The following RTN4IP1 variants were observed in gnomAD, a reference collection of about 807,000 sequenced individuals.
RTN4IP1 encodes NAD(P)H oxidoreductase RTN4IP1, mitochondrial.
In RTN4IP1, 32 loss-of-function variants were observed where a neutral mutation model predicts 46.6. The ratio of observed to expected loss-of-function variants is 0.69; its 90% CI spans 0.52 to 0.92. The LOEUF (loss-of-function observed/expected upper bound fraction) is 0.92. Among genes scored for constraint, RTN4IP1 ranks in the 40% least tolerant of loss-of-function variants. The pLI is 0.00. For synonymous variants in RTN4IP1, 167 were observed against 161.8 expected (o/e 1.03, Z -0.24); for missense variants, 424 against 485.8 (o/e 0.87, Z 1.20).
At chr6:106,583,033 C>A (rs1775405583) in intron 8 of RTN4IP1, among the ~76,000 whole-genome samples, 1 of 152,088 alleles carries the variant, frequency 6.6e-6, no homozygotes, top group Admixed American at 6.6e-5. Flanking sequence ...ATGACCTAAC[C>A]AAGTGTCTTT....
Position 106,583,003 on chromosome 6 carries a change from A to G in RTN4IP1, c.1083+325T>C, listed in dbSNP as rs537775007. On this transcript the variant is annotated intron_variant, in intron 8 of 8. Coordinates refer to ENST00000369063, the MANE Select transcript of RTN4IP1 (RefSeq NM_032730.5). ...GACCTGATAAAATATTAGCAGCCCAATGTAGATCACAGCTGTGCTATGACC... is the reference window on the plus strand; with the variant it reads ...GACCTGATAAAATATTAGCAGCCCAGTGTAGATCACAGCTGTGCTATGACC... Among the ~76,000 whole-genome samples the G allele has an allele frequency of 2.6e-5, 4 of 152,256 alleles. No individual in the cohort carries two copies. The South Asian group carries it at 6.2e-4, about 24-fold the overall frequency.
chr6:106,587,920 C>A (rs1029611344), intron 6 of RTN4IP1, 58 bp from the exon 7 acceptor site: 22 of 1,439,646 alleles, frequency 1.5e-5, no homozygotes, highest in African/African-American at 2.8e-5. Context: ...GGACTCTGAT[C>A]CTCCTTCCCT....
chr6:106,609,716 C>G (rs367576719), intron 4 of RTN4IP1, among the ~76,000 whole-genome samples: 1 of 152,234 alleles, frequency 6.6e-6, no homozygotes. Context: ...ATGGCTACTT[C>G]AGGATCCAAC....
chr6:106,574,391 T>C (rs1341258192), intron 8 of RTN4IP1, among the ~76,000 whole-genome samples: 1 of 150,892 alleles, frequency 6.6e-6, no homozygotes, highest in Non-Finnish European at 1.5e-5. Flanking sequence ...TGCAGTGAAC[T>C]GAGATCGCGC....
Position 106,583,330 on chromosome 6 carries a change from T to C in RTN4IP1, c.1081A>G (p.Lys361Glu). ...TCCAGGTTTCCAGGTGCACGTACCTTTCCCGCATCCACCAGTTCTGCAATG... is the reference window on the plus strand; with the variant it reads ...TCCAGGTTTCCAGGTGCACGTACCTCTCCCGCATCCACCAGTTCTGCAATG... ...DDIAELVDAG[K>E]IRPVIEQTFP... The change falls in exon 8 of 9, where the codon AAG (lysine) becomes GAG (glutamate). Residue 361 changes from lysine (K) to glutamate (E), a missense_variant and splice_region_variant. Physicochemically the swap from Lys to Glu is moderately conservative, Grantham distance 56 (BLOSUM62 1). Coordinates refer to ENST00000369063, the MANE Select transcript of RTN4IP1 (RefSeq NM_032730.5). 1 of 1,613,038 alleles carries C rather than the reference T, an allele frequency of 6.2e-7. No individual in the cohort carries two copies. Among genetic ancestry groups the C allele is most frequent in the South Asian group, 1.1e-5 (1 of 90,950 alleles).
At chr6:106,627,842 T>C (rs1776688187) in intron 1 of RTN4IP1, among the ~76,000 whole-genome samples, 1 of 131,248 alleles carries the variant, frequency 7.6e-6, no homozygotes, top group South Asian at 2.7e-4. Context: ...AACCTCCGCC[T>C]TCCGGATTCA....
upstream of RTN4IP1, chr6:106,629,781 G>C: frequency 6.5e-7 from 1 of 1,537,288 alleles, no homozygotes; most frequent in East Asian, 2.4e-5. Flanking sequence ...GAGTCCCTGG[G>C]CCTTACCACG....
At chr6:106,617,920 A>G (rs1373546609) in intron 4 of RTN4IP1, among the ~76,000 whole-genome samples, 2 of 152,222 alleles carry the variant, frequency 1.3e-5, no homozygotes, top group Admixed American at 6.5e-5. Flanking sequence ...AAAATCTTCA[A>G]TAAGGTTTTT....
At chr6:106,628,107 G>T (rs989510292) in intron 1 of RTN4IP1, among the ~76,000 whole-genome samples, 1 of 151,098 alleles carries the variant, frequency 6.6e-6, no homozygotes, top group Non-Finnish European at 1.5e-5. Flanking sequence ...AACTGACTAG[G>T]AAACAACTAT....
intron 4 of RTN4IP1, among the ~76,000 whole-genome samples, chr6:106,614,044 G>A (rs945138929): frequency 1.3e-5 from 2 of 152,150 alleles, no homozygotes; most frequent in Non-Finnish European, 2.9e-5. Context: ...ATAAAAGCAA[G>A]TTGCACCCTG....
At chr6:106,587,312 CAAG>C (rs1448170989) in intron 7 of RTN4IP1, among the ~76,000 whole-genome samples, 1 of 152,180 alleles carries the variant, frequency 6.6e-6, no homozygotes, top group Non-Finnish European at 1.5e-5. Flanking sequence ...CAGATGTAAT[CAAG>C]AGAGGCAATA....
intron 4 of RTN4IP1, among the ~76,000 whole-genome samples, chr6:106,603,932 G>A (rs1189354534): frequency 6.6e-6 from 1 of 152,118 alleles, no homozygotes; most frequent in East Asian, 1.9e-4. Context: ...TAGCTAAGGG[G>A]ATATTGTTGA....
intron 4 of RTN4IP1, among the ~76,000 whole-genome samples, chr6:106,618,352 A>T (rs368404714): frequency 6.6e-6 from 1 of 152,214 alleles, no homozygotes; most frequent in South Asian, 2.1e-4. Context: ...CAATTGTTAA[A>T]CGGTTCTTAG....
At chr6:106,622,230 C>T (rs893953736) in intron 2 of RTN4IP1, among the ~76,000 whole-genome samples, 1 of 152,106 alleles carries the variant, frequency 6.6e-6, no homozygotes, top group East Asian at 1.9e-4. Flanking sequence ...AAAAGTTCAA[C>T]AGCATAGAAT....
chr6:106,630,455 C>A (rs186843111), upstream of RTN4IP1, among the ~76,000 whole-genome samples: 6 of 152,292 alleles, frequency 3.9e-5, no homozygotes, highest in African/African-American at 1.2e-4. Flanking sequence ...AATCACTAAG[C>A]CCTCTTCATT....
At chr6:106,595,832 T>C (rs1027401636) in intron 5 of RTN4IP1, among the ~76,000 whole-genome samples, 1 of 152,144 alleles carries the variant, frequency 6.6e-6, no homozygotes, top group African/African-American at 2.4e-5. Context: ...GCCCCTCATA[T>C]CACTGCCCCT....
intron 5 of RTN4IP1, among the ~76,000 whole-genome samples, chr6:106,593,762 G>C (rs913087025): frequency 6.6e-6 from 1 of 152,142 alleles, no homozygotes; most frequent in Non-Finnish European, 1.5e-5. Context: ...GAAAATCTGT[G>C]GGGAATTGAA....
At chr6:106,617,757 C>G (rs575194843) in intron 4 of RTN4IP1, among the ~76,000 whole-genome samples, 7 of 152,208 alleles carry the variant, frequency 4.6e-5, no homozygotes, top group Admixed American at 3.9e-4. Flanking sequence ...AAAAGTAAGT[C>G]CACAGAGCCC....
intron 4 of RTN4IP1, among the ~76,000 whole-genome samples, chr6:106,604,500 G>A (rs565059621): frequency 5.9e-5 from 9 of 152,114 alleles, no homozygotes; most frequent in East Asian, 3.9e-4. Context: ...TCACCATCCC[G>A]GCCACGGTCT....
Sources: gnomAD v4.1 joint callset for allele counts (sites outside exome capture counted in the v4.1 genomes callset) on GRCh38, gnomAD v4.1.1 for gene constraint, MANE v1.5 for transcripts, NCBI Gene and HGNC (gene_info 2026-07-23, HGNC 2026-07-21) for gene names.